Variants in ROBO1 observed in about 807,000 individuals in gnomAD.
The protein encoded by ROBO1 is roundabout homolog 1.
Under a neutral mutation model 195.9 loss-of-function variants are expected in ROBO1, and 149 were observed. The ratio of observed to expected loss-of-function variants is 0.76; its 90% CI spans 0.67 to 0.87. The LOEUF (loss-of-function observed/expected upper bound fraction) is 0.87. ROBO1 is among the 40% of genes least tolerant of loss of function. The probability of loss-of-function intolerance (pLI) is 0.00; values close to 1 mark genes in which losing one functional copy is unlikely to be tolerated. For missense variants in ROBO1, 1,933 were observed against 2,068.3 expected (o/e 0.93, Z 1.27); for synonymous variants, 816 against 733.2 (o/e 1.11, Z -1.82).
intron 2 of ROBO1, among the ~76,000 whole-genome samples, chr3:79,546,169 G>T (rs999581640): frequency 2.6e-5 from 4 of 151,812 alleles, no homozygotes; most frequent in African/African-American, 9.7e-5. Flanking sequence ...TTAATGTATA[G>T]TAAATATTTT....
chr3:79,186,388 A>G (rs1200840542), intron 2 of ROBO1, among the ~76,000 whole-genome samples: 2 of 152,024 alleles, frequency 1.3e-5, no homozygotes, highest in Non-Finnish European at 2.9e-5. Context: ...AGACATGTAT[A>G]TATACATGTC....
At chr3:79,231,973 CA>C (rs911514568) in intron 2 of ROBO1, among the ~76,000 whole-genome samples, 1 of 151,956 alleles carries the variant, frequency 6.6e-6, no homozygotes, top group African/African-American at 2.4e-5. Flanking sequence ...AACAGAAAAC[CA>C]AATTCTGCAT....
chr3:79,148,108 C>T (rs1559694476), intron 2 of ROBO1, among the ~76,000 whole-genome samples: 1 of 151,688 alleles, frequency 6.6e-6, no homozygotes, highest in Non-Finnish European at 1.5e-5. Flanking sequence ...ATGTAGGCCG[C>T]AATAATTATT....
chr3:79,492,504 G>C (rs1939519779), intron 2 of ROBO1, among the ~76,000 whole-genome samples: 1 of 149,826 alleles, frequency 6.7e-6, no homozygotes, highest in African/African-American at 2.5e-5. Flanking sequence ...CCATTTATGA[G>C]TTATTTTCTC....
chr3:79,018,729 A>C, intron 3 of ROBO1: 1 of 1,241,522 alleles, frequency 8.1e-7, no homozygotes, highest in Non-Finnish European at 1.0e-6. Flanking sequence ...AGAACCATCC[A>C]AAGCGAACAA....
intron 3 of ROBO1, among the ~76,000 whole-genome samples, chr3:79,122,363 G>A (rs1292473605): frequency 6.6e-6 from 1 of 151,992 alleles, no homozygotes; most frequent in African/African-American, 2.4e-5. Flanking sequence ...ATTTGTAAGA[G>A]TGAAACTGAA....
At chr3:79,455,240 G>A (rs1051647660) in intron 2 of ROBO1, among the ~76,000 whole-genome samples, 6 of 151,996 alleles carry the variant, frequency 3.9e-5, no homozygotes, top group African/African-American at 9.7e-5. Context: ...GCTAGAGTAC[G>A]AGATTTAACA....
chr3:79,183,582 G>T (rs2081384422), intron 2 of ROBO1, among the ~76,000 whole-genome samples: 1 of 152,226 alleles, frequency 6.6e-6, no homozygotes, highest in African/African-American at 2.4e-5. Context: ...CTCCAGGTTT[G>T]CTGGGAAGCA....
intron 2 of ROBO1, among the ~76,000 whole-genome samples, chr3:79,271,229 AT>A (rs1392973398): frequency 6.6e-6 from 1 of 151,794 alleles, no homozygotes; most frequent in Non-Finnish European, 1.5e-5. Flanking sequence ...CATTACCAGA[AT>A]TTTTTTTATT....
chr3:78,700,043 C>T (rs1316309912), intron 8 of ROBO1, among the ~76,000 whole-genome samples: 5 of 152,040 alleles, frequency 3.3e-5, no homozygotes, highest in Admixed American at 6.6e-5. Context: ...CCAAAATTAG[C>T]CTTGTGTTCC....
chr3:79,530,574 A>G (rs952145483), intron 2 of ROBO1, among the ~76,000 whole-genome samples: 2 of 152,064 alleles, frequency 1.3e-5, no homozygotes, highest in African/African-American at 2.4e-5. Context: ...AGTCTGCTCA[A>G]TTGTGCCTAC....
intron 2 of ROBO1, among the ~76,000 whole-genome samples, chr3:79,537,136 T>C (rs534521810): frequency 2.6e-5 from 4 of 152,022 alleles, no homozygotes; most frequent in Non-Finnish European, 5.9e-5. Context: ...CTCAACACTT[T>C]TATTTCCAAA....
At chr3:79,320,649 G>A (rs1325834046) in intron 2 of ROBO1, among the ~76,000 whole-genome samples, 1 of 152,108 alleles carries the variant, frequency 6.6e-6, no homozygotes, top group African/African-American at 2.4e-5. Flanking sequence ...TTCAACATAT[G>A]AATGTTGGAA....
intron 4 of ROBO1, among the ~76,000 whole-genome samples, chr3:78,750,041 T>C (rs2082749446): frequency 6.6e-6 from 1 of 152,228 alleles, no homozygotes; most frequent in Non-Finnish European, 1.5e-5. Flanking sequence ...TTTTATTTTA[T>C]GTGTATAGTT....
At chr3:79,057,484 G>T (rs1397323574) in intron 3 of ROBO1, among the ~76,000 whole-genome samples, 2 of 151,992 alleles carry the variant, frequency 1.3e-5, no homozygotes, top group Non-Finnish European at 2.9e-5. Context: ...CTCCTCAGAA[G>T]CTGGCACACC....
chr3:79,105,293 T>G (rs753751414), intron 3 of ROBO1, among the ~76,000 whole-genome samples: 1 of 151,752 alleles, frequency 6.6e-6, no homozygotes, highest in Non-Finnish European at 1.5e-5. Flanking sequence ...AAGGGCAAGA[T>G]GAACAAAGTG....
intron 4 of ROBO1, among the ~76,000 whole-genome samples, chr3:78,901,372 T>C (rs1013386024): frequency 6.6e-6 from 1 of 152,190 alleles, no homozygotes; most frequent in Non-Finnish European, 1.5e-5. Context: ...GCAAAAGTTT[T>C]ATATAACTCT....
chr3:79,699,702 G>A (rs1947557608), intron 1 of ROBO1, among the ~76,000 whole-genome samples: 1 of 151,238 alleles, frequency 6.6e-6, no homozygotes, highest in Non-Finnish European at 1.5e-5. Context: ...TTAACCAACT[G>A]GTTGACTACA....
At chr3:79,237,234 C>G (rs1421668796) in intron 2 of ROBO1, among the ~76,000 whole-genome samples, 3 of 151,984 alleles carry the variant, frequency 2.0e-5, no homozygotes, top group South Asian at 2.1e-4. Context: ...TGTAATCCCA[C>G]CACTTTGGGA....
Sources: gnomAD v4.1 joint callset for allele counts (sites outside exome capture counted in the v4.1 genomes callset) on GRCh38, gnomAD v4.1.1 for gene constraint, MANE v1.5 for transcripts, NCBI Gene and HGNC (gene_info 2026-07-23, HGNC 2026-07-21) for gene names.